Variants in DIP2C observed in about 807,000 individuals in gnomAD.
DIP2C encodes DIP2 acetate--CoA ligase C (putative), also known as disco-interacting protein 2 homolog C.
In DIP2C, 33 loss-of-function variants were observed where a neutral mutation model predicts 192.4. That is an observed-to-expected ratio of 0.17 (90% CI 0.13 to 0.23). The LOEUF is 0.23. Among genes scored for constraint, DIP2C ranks in the 10% least tolerant of loss-of-function variants. The pLI is 1.00. For synonymous variants in DIP2C, 979 were observed against 864.1 expected (o/e 1.13, Z -2.33); for missense variants, 1,537 against 2,110.1 (o/e 0.73, Z 5.32).
At chr10:601,820 C>T (rs1448096777) in intron 1 of DIP2C, among the ~76,000 whole-genome samples, 1 of 152,118 alleles carries the variant, frequency 6.6e-6, no homozygotes, top group Non-Finnish European at 1.5e-5. Flanking sequence ...GGTGGCTGAT[C>T]GGGGATCAGA....
chr10:657,032 G>C (rs1373325836), intron 1 of DIP2C, among the ~76,000 whole-genome samples: 1 of 151,968 alleles, frequency 6.6e-6, no homozygotes, highest in South Asian at 2.1e-4. Context: ...CATGTGGAAA[G>C]TTGGCTGGAC....
intron 1 of DIP2C, among the ~76,000 whole-genome samples, chr10:643,384 G>A (rs1855299608): frequency 6.6e-6 from 1 of 151,792 alleles, no homozygotes; most frequent in African/African-American, 2.4e-5. Flanking sequence ...CGTGGTGGCG[G>A]GTACCTATAG....
chr10:404,449 T>G (rs1258032080), intron 9 of DIP2C, among the ~76,000 whole-genome samples: 1 of 152,188 alleles, frequency 6.6e-6, no homozygotes, highest in Non-Finnish European at 1.5e-5. Flanking sequence ...GACCTAGTCA[T>G]CTGCCCACCT....
In DIP2C at chr10:535,341, C is replaced by T. The variant is rs117089513; in HGVS notation, c.86-48811G>A. 9.9e-5 allele frequency among the ~76,000 whole-genome samples: 15 copies of T among 151,418 alleles called. No homozygotes were observed. In the East Asian group the frequency reaches 2.9e-3, roughly 30 times the overall value. On this transcript the variant is annotated intron_variant, in intron 1 of 36. Coordinates refer to ENST00000280886, the MANE Select transcript of DIP2C (RefSeq NM_014974.3). ...GGCGCTGTGGAAACTCCATGCTGTGCTAACTCTCATCTGACATGCTCCGGC... is the reference window on the plus strand; with the variant it reads ...GGCGCTGTGGAAACTCCATGCTGTGTTAACTCTCATCTGACATGCTCCGGC...
At chr10:398,680 A>T (rs1372682801) in intron 10 of DIP2C, among the ~76,000 whole-genome samples, 2 of 152,232 alleles carry the variant, frequency 1.3e-5, no homozygotes, top group Middle Eastern at 3.2e-3. Context: ...CAATAATTAC[A>T]ATGGCAAGTT....
At chr10:337,165 A>AT (rs1957847319) in intron 29 of DIP2C, among the ~76,000 whole-genome samples, 1 of 94,608 alleles carries the variant, frequency 1.1e-5, no homozygotes, top group Admixed American at 1.3e-4. Context: ...GCCTAGGCTG[A>AT]TGTGTGCATG....
intron 26 of DIP2C, among the ~76,000 whole-genome samples, chr10:346,442 C>T (rs867581045): frequency 5.9e-4 from 18 of 30,630 alleles, no homozygotes; most frequent in African/African-American, 7.9e-4. Flanking sequence ...CTCCCGGAAA[C>T]GTCACACACA....
Position 363,219 on chromosome 10 carries a change from T to C in DIP2C, c.2570A>G (p.Gln857Arg). The change falls in exon 21 of 37, where the codon CAG (glutamine) becomes CGG (arginine). Residue 857 changes from glutamine (Q) to arginine (R), a missense_variant. By Grantham distance (43) the Gln-to-Arg change is conservative. Transcript: ENST00000280886. This position sits in a 1 kb window ranked among gnomAD's most constrained non-coding sequence, Gnocchi z 5.4. The stretch of plus-strand genomic sequence containing the variant: ...AACCTGCAGCACACGGCTCATCCAC[T>C]GGAAACTGTCCTCTTCCGTGGAGTC... ...RPDSTEEDSF[Q>R]WMSRVLQAID... 3 of 1,613,580 alleles carry C rather than the reference T, an allele frequency of 1.9e-6. No homozygotes were observed. Among genetic ancestry groups the C allele is most frequent in the Non-Finnish European group, 2.5e-6 (3 of 1,179,950 alleles).
At position 466,942 on chromosome 10, in the gene DIP2C, C is replaced by A. The variant is rs370930909; in HGVS notation, c.268+5497G>T. ...ACTTTTACACTGTTGGTGGGACTGT[C>A]AACTAGTTCAACCATTGTGGAAGTC... is the stretch of plus-strand genomic sequence containing the variant. On this transcript the variant is annotated intron_variant, in intron 3 of 36. Coordinates refer to ENST00000280886, the MANE Select transcript of DIP2C (RefSeq NM_014974.3). Among the ~76,000 whole-genome samples, 65 of 148,702 alleles carry A rather than the reference C, an allele frequency of 4.4e-4. No homozygotes were observed. In the East Asian group the frequency reaches 8.3e-3, roughly 19 times the overall value.
chr10:545,373 C>T (rs1213289914), intron 1 of DIP2C, among the ~76,000 whole-genome samples: 1 of 151,900 alleles, frequency 6.6e-6, no homozygotes, highest in African/African-American at 2.4e-5. Flanking sequence ...CACTGCTGAT[C>T]TGTAACTCCT....
intron 1 of DIP2C, among the ~76,000 whole-genome samples, chr10:496,407 C>A (rs1348201425): frequency 5.3e-5 from 8 of 151,062 alleles, no homozygotes; most frequent in Admixed American, 4.6e-4. Flanking sequence ...CTACACAGAA[C>A]CCACGGTGCC....
chr10:393,758 G>A (rs530847764), intron 10 of DIP2C, among the ~76,000 whole-genome samples: 2 of 112,362 alleles, frequency 1.8e-5, no homozygotes, highest in African/African-American at 3.5e-5. Context: ...CAGCCTGGGT[G>A]ACAGAGCGAG....
intron 36 of DIP2C, among the ~76,000 whole-genome samples, chr10:278,052 CTCTG>C (rs1376233490): frequency 3.3e-5 from 5 of 150,552 alleles, no homozygotes; most frequent in African/African-American, 4.9e-5. Flanking sequence ...GCCTACTCCT[CTCTG>C]TCTGTGCGGT....
chr10:451,955 A>ACAG (rs1968884672), intron 3 of DIP2C, among the ~76,000 whole-genome samples: 2 of 152,200 alleles, frequency 1.3e-5, no homozygotes, highest in Non-Finnish European at 2.9e-5. Context: ...TAACAGAAGA[A>ACAG]TACTTCTGCC....
rs146078692 is a variant in DIP2C at position 375,034 on chromosome 10, G to C, written c.1992-5401C>G. On this transcript the variant is annotated intron_variant, in intron 17 of 36. Coordinates refer to ENST00000280886, the MANE Select transcript of DIP2C (RefSeq NM_014974.3). ...TGTAAGGAGGCAGAGTCCTCTCTTG[G>C]AGATATGGAAGGAGCAAAATACGTA... Among the ~76,000 whole-genome samples the C allele has an allele frequency of 5.9e-5, 9 of 152,294 alleles. 1 individual carries two copies. Among genetic ancestry groups the C allele is most frequent in the African/African-American group, 2.2e-4 (9 of 41,552 alleles).
chr10:307,696 TGAG>T (rs1344171670), intron 32 of DIP2C, among the ~76,000 whole-genome samples: 2 of 151,108 alleles, frequency 1.3e-5, no homozygotes, highest in Non-Finnish European at 3.0e-5. Context: ...CAGAAAGGAA[TGAG>T]AAGAGTGAGA....
chr10:351,355 C>T (rs1316167399), intron 24 of DIP2C, among the ~76,000 whole-genome samples: 4 of 152,168 alleles, frequency 2.6e-5, no homozygotes, highest in African/African-American at 4.8e-5. Flanking sequence ...TCTACCAAAA[C>T]GTCCACAAGA....
At chr10:642,747 C>T (rs1855258466) in intron 1 of DIP2C, among the ~76,000 whole-genome samples, 1 of 152,266 alleles carries the variant, frequency 6.6e-6, no homozygotes, top group Non-Finnish European at 1.5e-5. Context: ...CTTACTGGGA[C>T]ACAACCACCC....
At chr10:499,580 C>T (rs1845084976) in intron 1 of DIP2C, among the ~76,000 whole-genome samples, 1 of 152,150 alleles carries the variant, frequency 6.6e-6, no homozygotes, top group East Asian at 1.9e-4. Context: ...TAATATCTGA[C>T]AGAGCAGCCA....
Sources: gnomAD v4.1 joint callset for allele counts (sites outside exome capture counted in the v4.1 genomes callset) on GRCh38, gnomAD v4.1.1 for gene constraint, Gnocchi (gnomAD v3.1) non-coding constraint, MANE v1.5 for transcripts, NCBI Gene and HGNC (gene_info 2026-07-23, HGNC 2026-07-21) for gene names.